Variants in CRIP1 observed in about 807,000 individuals in gnomAD.
The protein encoded by CRIP1 is cysteine rich protein 1.
Under a neutral mutation model 12.9 loss-of-function variants are expected in CRIP1, and 11 were observed. The observed-to-expected ratio is 0.86, with a 90% CI of 0.54 to 1.42. The LOEUF (loss-of-function observed/expected upper bound fraction) is 1.42. Ranked by LOEUF, CRIP1 falls within the 40% of genes most tolerant of loss-of-function variation. The pLI is 0.00. For missense variants in CRIP1, 122 were observed against 101.3 expected (o/e 1.20, Z -0.88); for synonymous variants, 41 against 37.2 (o/e 1.10, Z -0.37).
intron 1 of CRIP1, 92 bp from the exon 2 acceptor site, chr14:105,487,107 T>C: frequency 7.2e-7 from 1 of 1,394,266 alleles, no homozygotes; most frequent in African/African-American, 1.5e-5. Flanking sequence ...GTCCAAGTCC[T>C]GGGTTCAGAG....
Position 105,487,280 on chromosome 14 carries a change from C to T in CRIP1, c.21C>T (p.Cys7=), listed in dbSNP as rs1555438228. The T allele has an allele frequency of 6.5e-7, 1 of 1,545,028 alleles. No homozygotes were observed. Among genetic ancestry groups the T allele is most frequent in the Non-Finnish European group, 8.7e-7 (1 of 1,144,790 alleles). Residue 7 remains cysteine, a synonymous_variant, in exon 2 of 6, where the codon TGC becomes TGT. Transcript: ENST00000392531. ...CCGTCATGCCCAAGTGTCCCAAGTG[C>T]AACAAGGAGGTGTACTTCGGTGAGC... MPKCPK[C]NKEVYFAERV... is the part of the protein sequence containing the mutation.
intron 2 of CRIP1, 48 bp downstream of exon 2, chr14:105,487,347 G>T: frequency 6.6e-7 from 1 of 1,507,212 alleles, no homozygotes; most frequent in Non-Finnish European, 9.0e-7. Context: ...CCGACGGGGC[G>T]ACGAGGCTGG....
chr14:105,488,459 C>T lies in CRIP1; in HGVS notation c.194-12C>T. The T allele has an allele frequency of 6.7e-7, 1 of 1,502,926 alleles. No homozygotes were observed. The highest frequency in any genetic ancestry group is 9.0e-7 in the Non-Finnish European group (1 of 1,111,652). The allele number at this position is 1,502,926 out of a possible 1,614,324, so 93.1% of individuals were successfully genotyped here. ...CACCCCAGCCTGTTGACTTTTTCCACCTTCTCTGCAGGCTTTGGGCGGGGC... is the reference window on the plus strand; with the variant it reads ...CACCCCAGCCTGTTGACTTTTTCCATCTTCTCTGCAGGCTTTGGGCGGGGC... On this transcript the variant is annotated splice_polypyrimidine_tract_variant and intron_variant, in intron 4 of 5. Transcript: ENST00000392531.
chr14:105,487,027 TCCTG>T, intron 1 of CRIP1, 55 bp downstream of exon 1: 1 of 1,347,588 alleles, frequency 7.4e-7, no homozygotes, highest in East Asian at 3.0e-5. Context: ...CAGGCCCGGG[TCCTG>T]CCTGAAGGCG....
rs1297950669 is a variant in CRIP1 at position 105,488,700 on chromosome 14, C to T, written c.*43C>T. 3 of 656,192 alleles carry T rather than the reference C, an allele frequency of 4.6e-6. No homozygotes were observed. The highest frequency in any genetic ancestry group is 7.9e-6 in the Non-Finnish European group (3 of 378,284). The allele number at this position is 656,192 out of a possible 1,614,324, so 40.6% of individuals were successfully genotyped here. A position where few individuals can be genotyped will look rare whatever the true frequency, so the allele number is the denominator to read the frequency against. On this transcript the variant is annotated 3_prime_UTR_variant, in exon 6 of 6. Coordinates refer to ENST00000392531, the MANE Select transcript of CRIP1 (RefSeq NM_001311.5). ...CCATCCTTGGCTGCTTGCAGGGCCA[C>T]TGTCCAGGCAAATGCCAGGCCTTGT...
chr14:105,487,036 A>C, intron 1 of CRIP1, 64 bp downstream of exon 1: 2 of 1,353,254 alleles, frequency 1.5e-6, no homozygotes, highest in African/African-American at 1.5e-5. Context: ...GTCCTGCCTG[A>C]AGGCGGGGGT....
chr14:105,487,157 C>T, intron 1 of CRIP1, 42 bp from the exon 2 acceptor site: 7 of 1,485,874 alleles, frequency 4.7e-6, no homozygotes, highest in South Asian at 2.6e-5. Flanking sequence ...GGGCGGGGTC[C>T]CGGGGTCCCT....
chr14:105,486,992 T>A lies in CRIP1; in HGVS notation c.-62+20T>A. ...CTCTCAGTAAGTCCCCATGGCCCCC[T>A]GCCCCCCCGCGCTCCGTCCTCAGTC... On this transcript the variant is annotated intron_variant, in intron 1 of 5. Coordinates refer to ENST00000392531, the MANE Select transcript of CRIP1 (RefSeq NM_001311.5). 1 of 1,160,930 alleles carries A rather than the reference T, an allele frequency of 8.6e-7. No homozygotes were observed. The highest frequency in any genetic ancestry group is 1.0e-6 in the Non-Finnish European group (1 of 957,044). The allele number at this position is 1,160,930 out of a possible 1,614,324, so 71.9% of individuals were successfully genotyped here.
chr14:105,488,595 C>A, intron 5 of CRIP1, 68 bp from the exon 6 acceptor site: 2 of 1,440,732 alleles, frequency 1.4e-6, no homozygotes, highest in Non-Finnish European at 1.9e-6. Flanking sequence ...GGAGGCCTGA[C>A]CACTCGTGGG....
intron 2 of CRIP1, 165 bp from the exon 3 acceptor site, chr14:105,488,001 C>A (rs936963139): frequency 1.6e-5 from 10 of 636,806 alleles, no homozygotes; most frequent in Non-Finnish European, 2.2e-5. Context: ...GAGATGTTCC[C>A]CTCATGGAGG....
chr14:105,487,663 C>G (rs1309398452), intron 2 of CRIP1: 13 of 222,908 alleles, frequency 5.8e-5, no homozygotes, highest in Non-Finnish European at 8.7e-5. Flanking sequence ...TGGAAACAGA[C>G]GCGGAAACCG....
At position 105,487,245 on chromosome 14, in the gene CRIP1, GGACC is replaced by G; in HGVS notation, c.-14_-11del. 1.3e-6 allele frequency: 2 copies of G among 1,543,732 alleles called. No individual in the cohort carries two copies. Among genetic ancestry groups the G allele is most frequent in the African/African-American group, 1.4e-5 (1 of 72,400 alleles). On this transcript the variant is annotated 5_prime_UTR_variant, in exon 2 of 6. Coordinates refer to ENST00000392531, the MANE Select transcript of CRIP1 (RefSeq NM_001311.5). ...CGCCCCAGCCGCTGCCGCCTGCACC[GGACC>G]CGGAGCCGTCATGCCCAAGTGTCCC...
chr14:105,487,162 G>A (rs1271018475), intron 1 of CRIP1, 37 bp from the exon 2 acceptor site: 2 of 1,492,214 alleles, frequency 1.3e-6, no homozygotes, highest in Non-Finnish European at 1.8e-6. Context: ...GGGTCCCGGG[G>A]TCCCTGAAAG....
rs201633336 is a variant in CRIP1 at position 105,488,145 on chromosome 14, G to A, written c.41-21G>A. The A allele has an allele frequency of 3.1e-6, 5 of 1,608,812 alleles. No individual in the cohort carries two copies. In the Middle Eastern group the frequency reaches 5.9e-4, roughly 190 times the overall value. The stretch of plus-strand genomic sequence containing the variant: ...GCCGCGTCCTGCAGCGTCTCACCGG[G>A]GCCTGTCTGTGCCTCTGCAGCCGAG... On this transcript the variant is annotated intron_variant, in intron 2 of 5. Coordinates refer to ENST00000392531, the MANE Select transcript of CRIP1 (RefSeq NM_001311.5).
At chr14:105,488,558 C>T (rs782082513) in intron 5 of CRIP1, 42 bp downstream of exon 5, 2 of 1,556,152 alleles carry the variant, frequency 1.3e-6, no homozygotes, top group Non-Finnish European at 1.7e-6. Context: ...CTGGTTCCAC[C>T]CTCGGGATGG....
Position 105,487,237 on chromosome 14 carries a change from C to T in CRIP1, c.-23C>T. On this transcript the variant is annotated 5_prime_UTR_variant, in exon 2 of 6. Coordinates refer to ENST00000392531, the MANE Select transcript of CRIP1 (RefSeq NM_001311.5). ...GCCCGTGCCGCCCCAGCCGCTGCCG[C>T]CTGCACCGGACCCGGAGCCGTCATG... 1 of 1,543,602 alleles carries T rather than the reference C, an allele frequency of 6.5e-7. No homozygotes were observed. Among genetic ancestry groups the T allele is most frequent in the South Asian group, 1.2e-5 (1 of 83,324 alleles).
At chr14:105,487,149 G>GT (rs2084128260) in intron 1 of CRIP1, 50 bp from the exon 2 acceptor site, 1 of 1,465,324 alleles carries the variant, frequency 6.8e-7, no homozygotes, top group African/African-American at 1.5e-5. Context: ...TCTCCAAGGG[G>GT]CGGGGTCCCG....
chr14:105,487,109 G>C (rs782392405), intron 1 of CRIP1, 90 bp from the exon 2 acceptor site: 1 of 1,395,930 alleles, frequency 7.2e-7, no homozygotes, highest in Non-Finnish European at 9.4e-7. Context: ...CCAAGTCCTG[G>C]GTTCAGAGGG....
rs2084128480 is a variant in CRIP1, at chr14:105,487,165, C to T, written c.-61-34C>T. 2.0e-6 allele frequency: 3 copies of T among 1,498,990 alleles called. No individual in the cohort carries two copies. In the South Asian group the frequency reaches 3.9e-5, roughly 19 times the overall value. The allele number at this position is 1,498,990 out of a possible 1,614,324, so 92.9% of individuals were successfully genotyped here. ...CTCCAAGGGGCGGGGTCCCGGGGTC[C>T]CTGAAAGGCGCGGACCAGGCCGGAT... On this transcript the variant is annotated intron_variant, in intron 1 of 5. Transcript: ENST00000392531.
Sources: gnomAD v4.1 joint callset for allele counts on GRCh38, gnomAD v4.1.1 for gene constraint, MANE v1.5 for transcripts, NCBI Gene and HGNC (gene_info 2026-07-23, HGNC 2026-07-21) for gene names.